Variants in NAA15 observed in about 807,000 individuals in gnomAD.
The protein encoded by NAA15 is N-alpha-acetyltransferase 15, NatA auxiliary subunit.
A neutral mutation model predicts 114.0 loss-of-function variants in NAA15; 34 were observed. The observed-to-expected ratio is 0.30, with a 90% confidence interval of 0.23 to 0.40. The LOEUF (loss-of-function observed/expected upper bound fraction) is 0.40, where lower values mean the gene tolerates loss of function less well. NAA15 is among the 10% of genes least tolerant of loss of function. The pLI is 1.00. For missense variants in NAA15, 658 were observed against 1,004.5 expected, an observed-to-expected ratio of 0.66 and a Z score of 4.66; for synonymous variants, 340 against 338.0, an observed-to-expected ratio of 1.01 and a Z score of -0.06.
chr4:139,332,570 A>ATTT (rs1747051142), intron 1 of NAA15, among the ~76,000 whole-genome samples: 1 of 59,208 alleles, frequency 1.7e-5, no homozygotes, highest in South Asian at 7.0e-4. Flanking sequence ...TTTGGTTTGT[A>ATTT]TGTTTTTTTT....
At chr4:139,331,599 T>C (rs1747001743) in intron 1 of NAA15, among the ~76,000 whole-genome samples, 1 of 150,524 alleles carries the variant, frequency 6.6e-6, no homozygotes, top group African/African-American at 2.4e-5. Flanking sequence ...GGCGCCTGCA[T>C]GCCATCATGC....
chr4:139,378,236 CAG>C (rs1331486846), intron 16 of NAA15, among the ~76,000 whole-genome samples: 1 of 152,028 alleles, frequency 6.6e-6, no homozygotes, highest in Non-Finnish European at 1.5e-5. Context: ...TTGGGAAATA[CAG>C]GGAATGGGTG....
intron 1 of NAA15, among the ~76,000 whole-genome samples, chr4:139,324,970 G>T (rs1014887879): frequency 6.6e-6 from 1 of 152,034 alleles, no homozygotes; most frequent in African/African-American, 2.4e-5. Flanking sequence ...TGAATTAATG[G>T]CATTGAATAT....
At chr4:139,307,733 A>C (rs1746071446) in intron 1 of NAA15, among the ~76,000 whole-genome samples, 1 of 152,168 alleles carries the variant, frequency 6.6e-6, no homozygotes, top group African/African-American at 2.4e-5. Context: ...AAAACTTTTC[A>C]AGGTGGGGAC....
intron 1 of NAA15, among the ~76,000 whole-genome samples, chr4:139,327,543 T>C (rs554831748): frequency 6.6e-6 from 1 of 152,308 alleles, no homozygotes; most frequent in Admixed American, 6.5e-5. Flanking sequence ...CGTGAGCCAC[T>C]GCGCCCAGCC....
At chr4:139,324,864 G>A (rs1447306256) in intron 1 of NAA15, among the ~76,000 whole-genome samples, 3 of 152,198 alleles carry the variant, frequency 2.0e-5, no homozygotes, top group Non-Finnish European at 4.4e-5. Context: ...TTAAATGCAC[G>A]TTGGTTCTTG....
intron 9 of NAA15, among the ~76,000 whole-genome samples, chr4:139,353,129 C>T (rs1747834443): frequency 6.6e-6 from 1 of 152,120 alleles, no homozygotes; most frequent in Admixed American, 6.5e-5. Flanking sequence ...TTTAGTCTTT[C>T]CTTGGTATTC....
intron 6 of NAA15, among the ~76,000 whole-genome samples, chr4:139,348,332 T>TAC (rs1413757964): frequency 6.6e-6 from 1 of 151,606 alleles, no homozygotes; most frequent in Non-Finnish European, 1.5e-5. Context: ...CACATGCCTG[T>TAC]AGTTCCAGCT....
At chr4:139,305,284 G>A (rs961665204) in intron 1 of NAA15, among the ~76,000 whole-genome samples, 3 of 152,128 alleles carry the variant, frequency 2.0e-5, no homozygotes, top group African/African-American at 7.2e-5. Context: ...AGAGAAATGT[G>A]GAAGTCACTA....
chr4:139,356,355 G>C (rs1048630730), intron 10 of NAA15: 1 of 152,150 alleles, frequency 6.6e-6, no homozygotes, highest in Non-Finnish European at 1.5e-5. Flanking sequence ...TCCTGTAGTG[G>C]GAAAGCCCGG....
At chr4:139,365,628 A>G (rs1467414858) in intron 14 of NAA15, among the ~76,000 whole-genome samples, 3 of 152,128 alleles carry the variant, frequency 2.0e-5, no homozygotes, top group Non-Finnish European at 4.4e-5. Flanking sequence ...GTTTGAGTCC[A>G]GGAGTCCGAG....
In NAA15 at chr4:139,341,593, C is replaced by CAAAAAAAAAAA. The variant is rs751688160; in HGVS notation, c.402+540_402+550dup. On this transcript the variant is annotated intron_variant, in intron 4 of 19. Transcript: ENST00000296543. Reference sequence around the variant, plus strand: ...TGGGTAACAGAGCGAAACTCTGTCTCAAAAAAAAAAAAAAAAAAAAAAAAA... The same window carrying CAAAAAAAAAAA: ...TGGGTAACAGAGCGAAACTCTGTCTCAAAAAAAAAAAAAAAAAAAAAAAAAAAAAAAAAAAA... 4.0e-3 allele frequency among the ~76,000 whole-genome samples: 58 copies of CAAAAAAAAAAA among 14,426 alleles called. 4 individuals carry two copies. The highest frequency in any genetic ancestry group is 6.9e-3 in the Non-Finnish European group (51 of 7,428). The allele number at this position is 14,426 out of a possible 152,430, so 9.5% of individuals were successfully genotyped here.
rs1560984098 is a variant in NAA15 at position 139,385,288 on chromosome 4, A to ATATATATATATATAATATATAT, written c.2302+322_2302+323insTAATATATATTATATATATATA. On this transcript the variant is annotated intron_variant, in intron 18 of 19. Coordinates refer to ENST00000296543, the MANE Select transcript of NAA15 (RefSeq NM_057175.5). ...AACCAAACATATATATATATAATAT[A>ATATATATATATATAATATATAT]TATATATATATAATATATATTATAT... Among the ~76,000 whole-genome samples the ATATATATATATATAATATATAT allele has an allele frequency of 9.7e-4, 97 of 100,430 alleles. 1 individual carries two copies. Among genetic ancestry groups the ATATATATATATATAATATATAT allele is most frequent in the Non-Finnish European group, 1.1e-3 (50 of 43,664 alleles). 65.9% of individuals were successfully genotyped at this position (100,430 alleles called of 152,430 possible). A position where few individuals can be genotyped will look rare whatever the true frequency, so the allele number is the denominator to read the frequency against.
chr4:139,387,215 T>C (rs1748934400), intron 19 of NAA15, among the ~76,000 whole-genome samples: 1 of 152,190 alleles, frequency 6.6e-6, no homozygotes, highest in African/African-American at 2.4e-5. Flanking sequence ...GTAGCTTTTC[T>C]AAGTGAAAAT....
intron 1 of NAA15, among the ~76,000 whole-genome samples, chr4:139,327,281 G>A (rs975668467): frequency 6.6e-6 from 1 of 151,432 alleles, no homozygotes; most frequent in African/African-American, 2.4e-5. Context: ...ACAGAGTCTC[G>A]CTCTGTCACC....
At chr4:139,310,480 C>T (rs1746186597) in intron 1 of NAA15, among the ~76,000 whole-genome samples, 1 of 150,860 alleles carries the variant, frequency 6.6e-6, no homozygotes, top group Non-Finnish European at 1.5e-5. Flanking sequence ...CATTTTTGGA[C>T]ATAAAAAGCT....
intron 7 of NAA15, among the ~76,000 whole-genome samples, chr4:139,350,231 C>T (rs1747733356): frequency 6.6e-6 from 1 of 152,068 alleles, no homozygotes; most frequent in African/African-American, 2.4e-5. Flanking sequence ...TTGCTTGAGC[C>T]CAGGAGTTTG....
chr4:139,374,022 T>C (rs1748515195), intron 15 of NAA15, among the ~76,000 whole-genome samples: 1 of 152,128 alleles, frequency 6.6e-6, no homozygotes, highest in African/African-American at 2.4e-5. Context: ...TTTTTTCCTG[T>C]TGTATATATA....
At position 139,312,681 on chromosome 4, in the gene NAA15, A is replaced by T. The variant is rs188384784; in HGVS notation, c.54+10850A>T. On this transcript the variant is annotated intron_variant, in intron 1 of 19. Transcript: ENST00000296543. ...CAACATAGCAAGGCTCTGTCTCTGT[A>T]AAAAATGAAAAAGTTACTTGGATGT... 1.3e-3 allele frequency among the ~76,000 whole-genome samples: 199 copies of T among 148,560 alleles called. 5 individuals carry two copies. The highest frequency in any genetic ancestry group is 5.0e-3 in the African/African-American group (190 of 38,312).
Sources: allele counts gnomAD v4.1 joint callset (sites outside exome capture counted in the v4.1 genomes callset), GRCh38; gene constraint gnomAD v4.1.1; transcripts MANE v1.5; gene names NCBI Gene and HGNC (gene_info 2026-07-23, HGNC 2026-07-21).